The following CCDC110 variants were observed in gnomAD, a reference collection of about 807,000 sequenced individuals.
The protein encoded by CCDC110 is coiled-coil domain containing 110.
In CCDC110, 70 loss-of-function variants were observed where a neutral mutation model predicts 77.1. That is an observed-to-expected ratio of 0.91 (90% CI 0.75 to 1.11). CCDC110 has a LOEUF of 1.11. Ranked by LOEUF, CCDC110 falls within the 50% of genes least tolerant of loss-of-function variation. CCDC110 has a pLI of 0.00. For synonymous variants in CCDC110, 295 were observed against 312.5 expected, an observed-to-expected ratio of 0.94 and a Z score of 0.59; for missense variants, 868 against 942.9, an observed-to-expected ratio of 0.92 and a Z score of 1.04.
chr4:185,445,590 T>C (rs1243662398), intron 6 of CCDC110, 48 bp from the exon 7 acceptor site: 1 of 1,166,782 alleles, frequency 8.6e-7, no homozygotes, highest in Non-Finnish European at 1.2e-6. Context: ...CCAACATAAC[T>C]ATAATGCTTT....
intron 6 of CCDC110, among the ~76,000 whole-genome samples, chr4:185,445,872 G>A (rs529158571): frequency 1.3e-5 from 2 of 151,804 alleles, no homozygotes; most frequent in Admixed American, 6.5e-5. Flanking sequence ...ACGGAGTTTC[G>A]CTCTTATTGC....
intron 6 of CCDC110, among the ~76,000 whole-genome samples, chr4:185,457,523 G>A (rs1382156962): frequency 6.6e-6 from 1 of 152,136 alleles, no homozygotes; most frequent in African/African-American, 2.4e-5. Flanking sequence ...TCTCGCTCAG[G>A]AGTCTTGTGA....
Position 185,461,076 on chromosome 4 carries a change from C to A in CCDC110, c.321G>T (p.Val107=). The change falls in exon 5 of 7, where the codon GTG becomes GTT. Residue 107 remains valine, a synonymous_variant. Transcript: ENST00000307588. ...NPQFSSEKNL[V]FGTRIEKDLP... ...AATCCTTTTCAATGCGCGTGCCAAA[C>A]ACCAGATTTTTTTCTGAGCTAAATT... 4 of 1,595,380 alleles carry A rather than the reference C, an allele frequency of 2.5e-6. No homozygotes were observed. The highest frequency in any genetic ancestry group is 3.4e-6 in the Non-Finnish European group (4 of 1,169,446).
intron 2 of CCDC110, among the ~76,000 whole-genome samples, chr4:185,466,560 A>G (rs13120336): frequency 0.48 from 71,824 of 151,062 alleles, 18,843 homozygotes; most frequent in African/African-American, 0.72. Flanking sequence ...GAGATGTGAA[A>G]GTCAAGAGGG....
intron 1 of CCDC110, 178 bp downstream of exon 1, chr4:185,471,496 A>ACGCAGGGGGC: frequency 4.8e-6 from 3 of 621,792 alleles, no homozygotes; most frequent in Non-Finnish European, 7.9e-6. Context: ...GCCACAGCGG[A>ACGCAGGGGGC]CGCAGGGGGC....
intron 3 of CCDC110, 121 bp from the exon 4 acceptor site, chr4:185,462,829 G>A (rs1216392635): frequency 9.6e-6 from 10 of 1,037,602 alleles, no homozygotes. Flanking sequence ...TGAGGGTCAG[G>A]TGGTTCACAT....
intron 6 of CCDC110, 43 bp from the exon 7 acceptor site, chr4:185,445,585 A>G: frequency 8.3e-7 from 1 of 1,209,600 alleles, no homozygotes; most frequent in South Asian, 1.3e-5. Flanking sequence ...AAATGCCAAC[A>G]TAACTATAAT....
intron 6 of CCDC110, chr4:185,449,692 C>A: frequency 8.0e-7 from 1 of 1,244,696 alleles, no homozygotes; most frequent in Non-Finnish European, 1.1e-6. Context: ...GAGTAATTCA[C>A]TATCAAGAGC....
intron 6 of CCDC110, among the ~76,000 whole-genome samples, chr4:185,450,967 G>A (rs1174298702): frequency 3.3e-5 from 5 of 152,272 alleles, no homozygotes; most frequent in South Asian, 4.1e-4. Flanking sequence ...CTCATCTTGA[G>A]TTGTAGCTCC....
intron 6 of CCDC110, among the ~76,000 whole-genome samples, chr4:185,455,928 A>G (rs769505708): frequency 2.2e-4 from 34 of 152,046 alleles, no homozygotes; most frequent in Non-Finnish European, 4.9e-4. Context: ...GCTTTAAAAC[A>G]CACTAAACAA....
intron 4 of CCDC110, among the ~76,000 whole-genome samples, chr4:185,462,144 A>G (rs879884595): frequency 2.0e-5 from 3 of 152,180 alleles, no homozygotes; most frequent in East Asian, 3.8e-4. Context: ...GGAAGGAGAA[A>G]GAACTGGACC....
intron 6 of CCDC110, chr4:185,457,821 G>GAAA: frequency 8.0e-7 from 1 of 1,247,018 alleles, no homozygotes; most frequent in Non-Finnish European, 1.1e-6. Flanking sequence ...AATTCCTAGG[G>GAAA]AAAAAAAAAA....
At chr4:185,445,818 C>T (rs2153312845) in intron 6 of CCDC110, among the ~76,000 whole-genome samples, 1 of 152,232 alleles carries the variant, frequency 6.6e-6, no homozygotes, top group Middle Eastern at 3.4e-3. Flanking sequence ...AAAAATAAAA[C>T]TGCCCTTTAT....
At position 185,445,432 on chromosome 4, in the gene CCDC110, T is replaced by A; in HGVS notation, c.*70A>T. On this transcript the variant is annotated 3_prime_UTR_variant, in exon 7 of 7. Transcript: ENST00000307588. ...TCATTTGAGATGAGTTAGATATGCA[T>A]AGTTCAGTTAGCAGTACAATTAACA... The A allele has an allele frequency of 9.3e-7, 1 of 1,076,450 alleles. No homozygotes were observed. The highest frequency in any genetic ancestry group is 1.4e-6 in the Non-Finnish European group (1 of 715,166). The allele number at this position is 1,076,450 out of a possible 1,614,324, so 66.7% of individuals were successfully genotyped here.
At chr4:185,452,873 C>T (rs192233799) in intron 6 of CCDC110, among the ~76,000 whole-genome samples, 79 of 119,344 alleles carry the variant, frequency 6.6e-4, no homozygotes, top group South Asian at 1.2e-3. Flanking sequence ...CCAGCCTGGA[C>T]GGCAGAGTGA....
At chr4:185,450,523 T>C (rs559972446) in intron 6 of CCDC110, among the ~76,000 whole-genome samples, 13 of 152,012 alleles carry the variant, frequency 8.6e-5, no homozygotes, top group African/African-American at 3.1e-4. Flanking sequence ...CTGAGTCGGG[T>C]GGATCACAAG....
At chr4:185,469,484 A>G (rs2095661948) in intron 2 of CCDC110, among the ~76,000 whole-genome samples, 1 of 151,882 alleles carries the variant, frequency 6.6e-6, no homozygotes, top group African/African-American at 2.4e-5. Flanking sequence ...GTCAAAAAAC[A>G]TGTGATCTTG....
chr4:185,446,725 A>G (rs374970188), intron 6 of CCDC110, among the ~76,000 whole-genome samples: 1 of 5,420 alleles, frequency 1.8e-4, no homozygotes, highest in Admixed American at 4.8e-3. Flanking sequence ...ATAGCCCACA[A>G]CATTTTTTGT....
chr4:185,466,693 C>T (rs371173115), intron 2 of CCDC110, among the ~76,000 whole-genome samples: 4 of 152,008 alleles, frequency 2.6e-5, no homozygotes, highest in African/African-American at 7.2e-5. Flanking sequence ...TGTCAGCCTC[C>T]GGAGTAGCTG....
Sources: allele counts gnomAD v4.1 joint callset (sites outside exome capture counted in the v4.1 genomes callset), GRCh38; gene constraint gnomAD v4.1.1; transcripts MANE v1.5; gene names NCBI Gene and HGNC (gene_info 2026-07-23, HGNC 2026-07-21).